NELL2: variants seen among roughly 807,000 people sequenced by gnomAD.
The protein encoded by NELL2 is neural EGFL like 2, also known as protein kinase C-binding protein NELL2.
In NELL2, 41 loss-of-function variants were observed where a neutral mutation model predicts 109.6. The observed-to-expected ratio is 0.37, with a 90% CI of 0.29 to 0.49. The LOEUF is 0.49. NELL2 is among the 20% of genes least tolerant of loss of function. The pLI is 0.98. For missense variants in NELL2, 900 were observed against 1,008.3 expected, an observed-to-expected ratio of 0.89 and a Z score of 1.45; for synonymous variants, 355 against 344.7, an observed-to-expected ratio of 1.03 and a Z score of -0.33.
intron 2 of NELL2, among the ~76,000 whole-genome samples, chr12:44,846,504 G>C (rs1566521107): frequency 6.6e-6 from 1 of 152,164 alleles, no homozygotes; most frequent in Non-Finnish European, 1.5e-5. Context: ...ATTATCATTT[G>C]TCATGTCAAT....
chr12:44,577,389 G>A (rs1049464836), intron 15 of NELL2, among the ~76,000 whole-genome samples: 1 of 144,004 alleles, frequency 6.9e-6, no homozygotes, highest in Non-Finnish European at 1.5e-5. Flanking sequence ...TTTTTGATGG[G>A]GTTGTTTGTT....
intron 3 of NELL2, among the ~76,000 whole-genome samples, chr12:44,806,223 T>C (rs897734833): frequency 1.3e-5 from 2 of 151,830 alleles, no homozygotes; most frequent in Non-Finnish European, 2.9e-5. Flanking sequence ...TGACAATGCA[T>C]ATACATAGGC....
intron 12 of NELL2, among the ~76,000 whole-genome samples, chr12:44,694,723 A>C (rs890779144): frequency 6.6e-6 from 1 of 151,996 alleles, no homozygotes; most frequent in Non-Finnish European, 1.5e-5. Context: ...CATAGAGCTC[A>C]GTTCTCTAGG....
At chr12:44,867,497 A>G (rs892457266) in intron 2 of NELL2, among the ~76,000 whole-genome samples, 1 of 152,220 alleles carries the variant, frequency 6.6e-6, no homozygotes, top group African/African-American at 2.4e-5. Context: ...AAGTTCAGAT[A>G]TAACAAATCT....
intron 3 of NELL2, among the ~76,000 whole-genome samples, chr12:44,787,416 T>C (rs1427935626): frequency 6.6e-6 from 1 of 150,858 alleles, no homozygotes; most frequent in African/African-American, 2.4e-5. Context: ...TAGACAACAT[T>C]ATCCTAAAAT....
chr12:44,665,736 A>G (rs985806342), intron 12 of NELL2, 127 bp from the exon 13 acceptor site: 3 of 1,074,338 alleles, frequency 2.8e-6, no homozygotes, highest in African/African-American at 1.6e-5. Flanking sequence ...CATTCATGAT[A>G]TCTCCTTTGC....
intron 15 of NELL2, among the ~76,000 whole-genome samples, chr12:44,597,661 T>G (rs556525344): frequency 1.2e-4 from 18 of 152,286 alleles, no homozygotes; most frequent in Non-Finnish European, 2.1e-4. Context: ...TTAATATTCA[T>G]GGACTGCCTA....
In NELL2 at chr12:44,549,266, C is replaced by A. The variant is rs558642407; in HGVS notation, c.1664-16545G>T. Among the ~76,000 whole-genome samples, 6 of 152,234 alleles carry A rather than the reference C, an allele frequency of 3.9e-5. No individual in the cohort carries two copies. In the East Asian group the frequency reaches 9.7e-4, roughly 25 times the overall value. ...TCCTTGTTGGCACATAGCTAGACTA[C>A]ATGAGTTTCAGAAAGTGGAATATGA... On this transcript the variant is annotated intron_variant, in intron 15 of 19. Transcript: ENST00000429094.
chr12:44,561,714 G>T (rs910811428), intron 15 of NELL2, among the ~76,000 whole-genome samples: 19 of 152,178 alleles, frequency 1.2e-4, no homozygotes. Context: ...TGGATAGGAA[G>T]AATCAATATA....
chr12:44,892,575 A>C (rs180940638), intron 1 of NELL2, among the ~76,000 whole-genome samples: 64 of 152,230 alleles, frequency 4.2e-4, no homozygotes, highest in African/African-American at 1.3e-3. Context: ...AGGCAGGCAG[A>C]TCACGAGGTC....
intron 13 of NELL2, among the ~76,000 whole-genome samples, chr12:44,618,032 T>C (rs1319912155): frequency 6.6e-6 from 1 of 152,164 alleles, no homozygotes; most frequent in Non-Finnish European, 1.5e-5. Context: ...GCAACAGCTA[T>C]TCATTTTGTT....
chr12:44,529,344 G>A (rs566543046), intron 16 of NELL2, among the ~76,000 whole-genome samples: 1 of 152,186 alleles, frequency 6.6e-6, no homozygotes, highest in African/African-American at 2.4e-5. Flanking sequence ...TATGTTAAGG[G>A]ACCTGTAGGA....
At chr12:44,843,185 A>C (rs1208432761) in intron 2 of NELL2, among the ~76,000 whole-genome samples, 1 of 152,138 alleles carries the variant, frequency 6.6e-6, no homozygotes, top group African/African-American at 2.4e-5. Flanking sequence ...AATATGAAAA[A>C]AAAACAACCC....
At chr12:44,680,769 C>T (rs1948468550) in intron 12 of NELL2, among the ~76,000 whole-genome samples, 1 of 152,162 alleles carries the variant, frequency 6.6e-6, no homozygotes, top group Admixed American at 6.5e-5. Flanking sequence ...TGTTCTCTCT[C>T]ACATTCATTT....
intron 13 of NELL2, among the ~76,000 whole-genome samples, chr12:44,613,310 T>C (rs187174255): frequency 3.9e-5 from 6 of 152,246 alleles, no homozygotes; most frequent in Admixed American, 3.9e-4. Context: ...TGTGAATTTT[T>C]AGACCAGATT....
At chr12:44,606,850 T>C (rs566121480) in intron 15 of NELL2, among the ~76,000 whole-genome samples, 1 of 152,274 alleles carries the variant, frequency 6.6e-6, no homozygotes, top group South Asian at 2.1e-4. Flanking sequence ...TATAGTCATA[T>C]AGATTCCAGT....
intron 2 of NELL2, among the ~76,000 whole-genome samples, chr12:44,847,926 G>A (rs559410915): frequency 6.6e-6 from 1 of 151,798 alleles, no homozygotes; most frequent in African/African-American, 2.4e-5. Flanking sequence ...CAAGTACTCG[G>A]GAGGCTGAGG....
At chr12:44,915,146 T>A (rs1945819322), upstream of NELL2, among the ~76,000 whole-genome samples, 1 of 152,154 alleles carries the variant, frequency 6.6e-6, no homozygotes, top group African/African-American at 2.4e-5. Flanking sequence ...CCACCGCGCC[T>A]GGCCAAAAAG....
Position 44,791,121 on chromosome 12 carries a change from G to GTGTA in NELL2, c.336-11100_336-11099insTACA, listed in dbSNP as rs1555217774. Among the ~76,000 whole-genome samples the GTGTA allele has an allele frequency of 8.1e-3, 197 of 24,208 alleles. 14 individuals carry two copies. Among genetic ancestry groups the GTGTA allele is most frequent in the African/African-American group, 0.02 (170 of 8,484 alleles). The allele number at this position is 24,208 out of a possible 152,430, so 15.9% of individuals were successfully genotyped here. On this transcript the variant is annotated intron_variant, in intron 3 of 19. Transcript: ENST00000429094. ...TGTATATATATATGTATATATATAT[G>GTGTA]TATATATATATATACACACGCACAC...
Sources: gnomAD v4.1 joint callset for allele counts (sites outside exome capture counted in the v4.1 genomes callset) on GRCh38, gnomAD v4.1.1 for gene constraint, MANE v1.5 for transcripts, NCBI Gene and HGNC (gene_info 2026-07-23, HGNC 2026-07-21) for gene names.